Variants in SAMD5 observed in about 807,000 individuals in gnomAD.
SAMD5 encodes sterile alpha motif domain containing 5, also known as sterile alpha motif domain-containing protein 5.
SAMD5 carries 13 observed loss-of-function variants against 11.3 expected under a neutral mutation model. The ratio of observed to expected loss-of-function variants is 1.15; its 90% CI spans 0.75 to 1.83. SAMD5 has a LOEUF of 1.83. Among genes scored for constraint, SAMD5 ranks in the 40% most tolerant of loss-of-function variants. SAMD5 has a pLI of 0.00. For missense variants in SAMD5, 255 were observed against 239.1 expected (o/e 1.07, Z -0.44); for synonymous variants, 129 against 111.3 (o/e 1.16, Z -1.00).
At chr6:147,723,391 T>C (rs566358237) in intron 1 of SAMD5, among the ~76,000 whole-genome samples, 7 of 152,306 alleles carry the variant, frequency 4.6e-5, no homozygotes, top group African/African-American at 1.7e-4. Flanking sequence ...AATCATTGGA[T>C]CTTTGGCTCT....
chr6:147,894,249 G>A, the SAMD5 span, among the ~76,000 whole-genome samples: 7 of 151,450 alleles, frequency 4.6e-5, no homozygotes, highest in South Asian at 1.0e-3. Flanking sequence ...TCAGCCTCCC[G>A]AGTAGCTGGG....
At chr6:147,618,220 A>G (rs1328349948) in intron 1 of SAMD5, among the ~76,000 whole-genome samples, 1 of 152,236 alleles carries the variant, frequency 6.6e-6, no homozygotes, top group East Asian at 1.9e-4. Context: ...TGCTAGGAAT[A>G]CACAGAGCAA....
At chr6:147,638,197 G>A (rs1219544722) in intron 1 of SAMD5, among the ~76,000 whole-genome samples, 5 of 151,994 alleles carry the variant, frequency 3.3e-5, no homozygotes, top group African/African-American at 4.8e-5. Flanking sequence ...ATTTTTAAAC[G>A]TGTCTATTTC....
chr6:147,869,426 C>T, the SAMD5 span, among the ~76,000 whole-genome samples: 1 of 152,140 alleles, frequency 6.6e-6, no homozygotes, highest in Non-Finnish European at 1.5e-5. Flanking sequence ...TGTGGGCTCA[C>T]GTGGAGGCAG....
chr6:147,734,560 C>CA (rs1791763691), intron 1 of SAMD5, among the ~76,000 whole-genome samples: 1 of 151,344 alleles, frequency 6.6e-6, no homozygotes, highest in African/African-American at 2.4e-5. Context: ...ACTAAAAATA[C>CA]AAAAAATAAT....
intron 1 of SAMD5, among the ~76,000 whole-genome samples, chr6:147,597,042 A>T (rs1044264244): frequency 7.2e-5 from 11 of 152,120 alleles, no homozygotes; most frequent in African/African-American, 2.4e-4. Context: ...GGGAGCGGAC[A>T]CCCAGCTGAG....
At chr6:147,543,236 T>C (rs1208644165) in intron 1 of SAMD5, among the ~76,000 whole-genome samples, 2 of 152,182 alleles carry the variant, frequency 1.3e-5, no homozygotes, top group Non-Finnish European at 2.9e-5. Context: ...TGGAAAGATG[T>C]TTATTTTATC....
the SAMD5 span, among the ~76,000 whole-genome samples, chr6:147,899,203 T>C: frequency 8.1e-6 from 1 of 123,368 alleles, no homozygotes; most frequent in African/African-American, 3.6e-5. Flanking sequence ...AGATAACGTG[T>C]CAACAGTGCA....
chr6:147,574,284 AT>A (rs892455788), downstream of SAMD5, among the ~76,000 whole-genome samples: 21 of 152,316 alleles, frequency 1.4e-4, no homozygotes, highest in African/African-American at 4.8e-4. Flanking sequence ...GATTATTCTC[AT>A]TCTACAGATG....
intron 1 of SAMD5, among the ~76,000 whole-genome samples, chr6:147,623,546 C>A (rs1790003715): frequency 6.6e-6 from 1 of 152,176 alleles, no homozygotes; most frequent in Non-Finnish European, 1.5e-5. Flanking sequence ...CTGATATTAT[C>A]TTTGCCATTT....
chr6:147,530,240 G>T (rs1788407873), intron 1 of SAMD5, among the ~76,000 whole-genome samples: 1 of 152,206 alleles, frequency 6.6e-6, no homozygotes, highest in Non-Finnish European at 1.5e-5. Context: ...ATCATTGGAG[G>T]TGTTGTGGAC....
chr6:147,912,870 A>G, the SAMD5 span, among the ~76,000 whole-genome samples: 1 of 152,128 alleles, frequency 6.6e-6, no homozygotes, highest in Non-Finnish European at 1.5e-5. Context: ...AAATTATTAA[A>G]ATATATGTAC....
At chr6:147,930,070 T>C in the SAMD5 span, among the ~76,000 whole-genome samples, 1 of 152,186 alleles carries the variant, frequency 6.6e-6, no homozygotes, top group East Asian at 1.9e-4. Context: ...TCTCCTATCA[T>C]ATACCCTAGA....
At chr6:147,521,270 T>A (rs1469660919) in intron 1 of SAMD5, among the ~76,000 whole-genome samples, 1 of 152,126 alleles carries the variant, frequency 6.6e-6, no homozygotes, top group South Asian at 2.1e-4. Flanking sequence ...TGCCTGTTCA[T>A]GGTACTTGCT....
In SAMD5 at chr6:147,568,909, A is replaced by AG; in HGVS notation, c.*4456dup. On this transcript the variant is annotated 3_prime_UTR_variant, in exon 2 of 2. Coordinates refer to ENST00000367474, the MANE Select transcript of SAMD5 (RefSeq NM_001030060.3). ...TTAGATATTTCCATAAAAGGCTTAAAGGGAAAAAAAAATGGTAGGTAGTTC... is the reference window on the plus strand; with the variant it reads ...TTAGATATTTCCATAAAAGGCTTAAAGGGGAAAAAAAAATGGTAGGTAGTTC... The AG allele has an allele frequency of 1.0e-6, 1 of 981,636 alleles. No individual in the cohort carries two copies. Among genetic ancestry groups the AG allele is most frequent in the Non-Finnish European group, 1.2e-6 (1 of 826,596 alleles). The allele number at this position is 981,636 out of a possible 1,614,324, so 60.8% of individuals were successfully genotyped here.
chr6:147,673,403 C>T (rs1562348543), intron 1 of SAMD5, among the ~76,000 whole-genome samples: 1 of 151,992 alleles, frequency 6.6e-6, no homozygotes. Context: ...TTGTTAGAGA[C>T]GGGGTTTCAC....
rs186817734 is a variant in SAMD5 at position 147,639,668 on chromosome 6, G to T, written c.163-97649G>T. ...AGGCTTGTGTTCCTTCCTAACTGCT[G>T]CCTTTCTGATTAGGAAGCATTGAAA... On this transcript the variant is annotated intron_variant, in intron 1 of 1. Coordinates refer to the SAMD5 transcript ENST00000566741. Among the ~76,000 whole-genome samples, 39 of 152,326 alleles carry T rather than the reference G, an allele frequency of 2.6e-4. 1 individual carries two copies. The East Asian group carries it at 7.5e-3, about 29-fold the overall frequency.
In SAMD5 at chr6:147,568,311, T is replaced by C; in HGVS notation, c.*3855T>C. ...TCTGAATTTTTCCCTTATAAGAGCC[T>C]GAGTATTGTAACAGGTCTCTTGCAC... On this transcript the variant is annotated 3_prime_UTR_variant, in exon 2 of 2. Transcript: ENST00000367474. 1 of 985,210 alleles carries C rather than the reference T, an allele frequency of 1.0e-6. No homozygotes were observed. The highest frequency in any genetic ancestry group is 1.2e-6 in the Non-Finnish European group (1 of 829,796). 61.0% of individuals were successfully genotyped at this position (985,210 alleles called of 1,614,324 possible).
chr6:147,915,993 C>A, the SAMD5 span, among the ~76,000 whole-genome samples: 1 of 148,566 alleles, frequency 6.7e-6, no homozygotes, highest in East Asian at 2.0e-4. Flanking sequence ...TGAGTGAGAA[C>A]ATGCGGTGTT....
Sources: allele counts gnomAD v4.1 joint callset (sites outside exome capture counted in the v4.1 genomes callset), GRCh38; gene constraint gnomAD v4.1.1; transcripts MANE v1.5; gene names NCBI Gene and HGNC (gene_info 2026-07-23, HGNC 2026-07-21).